AKT1: variants seen among roughly 807,000 people sequenced by gnomAD.
AKT1 encodes AKT serine/threonine kinase 1, also known as RAC-alpha serine/threonine-protein kinase.
In AKT1, 21 loss-of-function variants were observed where a neutral mutation model predicts 63.1. That is an observed-to-expected ratio of 0.33 (90% confidence interval 0.24 to 0.48). AKT1 has a LOEUF of 0.48. Among genes scored for constraint, AKT1 ranks in the 20% least tolerant of loss-of-function variants. The probability of loss-of-function intolerance (pLI) is 0.99; values close to 1 mark genes in which losing one functional copy is unlikely to be tolerated. For missense variants in AKT1, 382 were observed against 666.0 expected, an observed-to-expected ratio of 0.57 and a Z score of 4.69; for synonymous variants, 257 against 253.1, an observed-to-expected ratio of 1.02 and a Z score of -0.15.
chr14:104,770,631 CCT>C, intron 14 of AKT1, 112 bp downstream of exon 14: 6 of 1,101,234 alleles, frequency 5.4e-6, no homozygotes, highest in Non-Finnish European at 7.9e-6. Context: ...CCAAAAGGAA[CCT>C]TTTTAAATAT....
chr14:104,774,723 C>G, intron 8 of AKT1: 1 of 600,854 alleles, frequency 1.7e-6, no homozygotes, highest in Non-Finnish European at 2.9e-6. Context: ...GCCCCACCCA[C>G]CTGCCCGCAC....
In AKT1 at chr14:104,769,727, C is replaced by T. The variant is rs780314185; in HGVS notation, c.*614G>A. 2.0e-5 allele frequency: 8 copies of T among 405,236 alleles called. No individual in the cohort carries two copies. Among genetic ancestry groups the T allele is most frequent in the Non-Finnish European group, 3.3e-5 (7 of 212,016 alleles). 25.1% of individuals were successfully genotyped at this position (405,236 alleles called of 1,614,324 possible). On this transcript the variant is annotated 3_prime_UTR_variant, in exon 15 of 15. Transcript: ENST00000649815. ...ATAATACACAATAACAAATTTAAACCTTGCTCCTCTGTCCCACTGGGTAAA... is the reference window on the plus strand; with the variant it reads ...ATAATACACAATAACAAATTTAAACTTTGCTCCTCTGTCCCACTGGGTAAA...
At chr14:104,789,736 C>T (rs1893526958) in intron 3 of AKT1, among the ~76,000 whole-genome samples, 1 of 152,220 alleles carries the variant, frequency 6.6e-6, no homozygotes. Context: ...GAGGGGACAT[C>T]TGGCCCCCTG....
intron 10 of AKT1, 35 bp from the exon 11 acceptor site, chr14:104,773,414 G>A (rs1173505933): frequency 6.2e-7 from 1 of 1,614,026 alleles, no homozygotes; most frequent in Non-Finnish European, 8.5e-7. Flanking sequence ...AGTGCCGCCA[G>A]GCCCCCAGGG....
rs578252924 is a variant in AKT1 at position 104,773,836 on chromosome 14, G to C, written c.702+76C>G. The C allele has an allele frequency of 4.8e-5, 70 of 1,447,414 alleles. No homozygotes were observed. In the African/African-American group the frequency reaches 6.2e-4, roughly 13 times the overall value. 89.7% of individuals were successfully genotyped at this position (1,447,414 alleles called of 1,614,324 possible). ...GTCTGGTGCCATGGAGAGTAGCCGA[G>C]GCTCCGGGAAGGACCGGCCCCACCA... On this transcript the variant is annotated intron_variant, in intron 9 of 14. Transcript: ENST00000649815.
rs2140903205 is a variant in AKT1, at chr14:104,773,092, C to A, written c.958G>T (p.Val320Leu). The A allele has an allele frequency of 6.2e-7, 1 of 1,613,860 alleles. No homozygotes were observed. The highest frequency in any genetic ancestry group is 8.5e-7 in the Non-Finnish European group (1 of 1,179,884). The change falls in exon 12 of 15, where the codon GTG becomes TTG. Residue 320 changes from valine to leucine, a missense_variant and splice_region_variant. By Grantham distance (32) the Val-to-Leu change is conservative (BLOSUM62 1). This residue lies in a region of AKT1 where 66 missense variants were observed against 179.1 expected (regional missense o/e 0.37). Coordinates refer to ENST00000649815, the MANE Select transcript of AKT1 (RefSeq NM_001382430.1). Reference sequence around the variant, plus strand: ...CGGCCGTAGTCATTGTCCTCCAGCACCTGCACGGGTGGCAGATGGGCAGGA... The same window carrying A: ...CGGCCGTAGTCATTGTCCTCCAGCAACTGCACGGGTGGCAGATGGGCAGGA... ...CGTPEYLAPE[V>L]LEDNDYGRAV...
chr14:104,771,162 A>C, intron 13 of AKT1: 1 of 348,424 alleles, frequency 2.9e-6, no homozygotes, highest in South Asian at 7.0e-5. Context: ...TGATAACTTT[A>C]TTTTTCCTTT....
intron 10 of AKT1, 24 bp downstream of exon 10, chr14:104,773,431 C>A: frequency 6.2e-7 from 1 of 1,613,932 alleles, no homozygotes; most frequent in Non-Finnish European, 8.5e-7. Context: ...AGGGCCCTGC[C>A]CCCCTGCCTG....
chr14:104,772,214 GTGCAGCAAGGCCCTCCTTGTACCAGGAC>G, intron 13 of AKT1, 123 bp downstream of exon 13: 1 of 832,650 alleles, frequency 1.2e-6, no homozygotes, highest in Non-Finnish European at 2.0e-6. Context: ...GCTGAGGTTG[GTGCAGCAAGGCCCTCCTTGTACCAGGAC>G]TGCAGCAGGC....
At chr14:104,773,713 T>A in intron 9 of AKT1, 133 bp from the exon 10 acceptor site, 1 of 1,386,332 alleles carries the variant, frequency 7.2e-7, no homozygotes, top group Non-Finnish European at 9.7e-7. Context: ...CACGGGGGCC[T>A]GGAAAGTCTC....
intron 3 of AKT1, among the ~76,000 whole-genome samples, chr14:104,785,002 C>A (rs1037416072): frequency 1.3e-5 from 2 of 152,224 alleles, no homozygotes; most frequent in Non-Finnish European, 2.9e-5. Context: ...CAGCGGCTGG[C>A]AGGGTGCCAG....
rs367883437 is a variant in AKT1 at position 104,783,682 on chromosome 14, C to A, written c.47-3466G>T. Among the ~76,000 whole-genome samples the A allele has an allele frequency of 2.6e-5, 4 of 152,288 alleles. No individual in the cohort carries two copies. In the East Asian group the frequency reaches 7.7e-4, roughly 29 times the overall value. On this transcript the variant is annotated intron_variant, in intron 3 of 14. Coordinates refer to ENST00000649815, the MANE Select transcript of AKT1 (RefSeq NM_001382430.1). ...ACCCCACACACAGCCAGAGTCATCT[C>A]CTGCCAGCAGCCACTCCCAAGGGCA...
intron 12 of AKT1, 60 bp downstream of exon 12, chr14:104,772,818 G>T: frequency 6.5e-7 from 1 of 1,537,578 alleles, no homozygotes; most frequent in Admixed American, 1.9e-5. Context: ...GCAGGGGCAG[G>T]TGCAGCCTGG....
chr14:104,787,110 C>T (rs1456061879), intron 3 of AKT1, among the ~76,000 whole-genome samples: 1 of 152,134 alleles, frequency 6.6e-6, no homozygotes, highest in Non-Finnish European at 1.5e-5. Flanking sequence ...CCCCAAAGCC[C>T]GCAACATTGG....
At chr14:104,773,831 G>A in intron 9 of AKT1, 81 bp downstream of exon 9, 2 of 1,423,320 alleles carry the variant, frequency 1.4e-6, no homozygotes, top group Non-Finnish European at 1.9e-6. Context: ...ATGGAGAGTA[G>A]CCGAGGCTCC....
chr14:104,788,183 G>A (rs766840910), intron 3 of AKT1, among the ~76,000 whole-genome samples: 2 of 152,188 alleles, frequency 1.3e-5, no homozygotes, highest in African/African-American at 2.4e-5. Context: ...CAGGGCCCGC[G>A]GGTCTCACAC....
Position 104,775,096 on chromosome 14 carries a change from T to C in AKT1, c.547A>G (p.Lys183Glu). The change falls in exon 7 of 15, where the codon AAG (lysine) becomes GAG (glutamate). Residue 183 changes from lysine (K) to glutamate (E), a missense_variant. Physicochemically the swap from Lys to Glu is moderately conservative, Grantham distance 56. Around this residue, in one of 3 missense-constraint regions of AKT1, gnomAD observed 226 missense variants for 366.4 expected, o/e 0.62. Coordinates refer to ENST00000649815, the MANE Select transcript of AKT1 (RefSeq NM_001382430.1). ...GRYYAMKILK[K>E]EVIVAKDEVA... is the part of the protein sequence containing the mutation. Reference sequence around the variant, plus strand: ...CCCACCTTGGCCACGATGACTTCCTTCTTGAGGATCTTCATGGCGTAGTAG... The same window carrying C: ...CCCACCTTGGCCACGATGACTTCCTCCTTGAGGATCTTCATGGCGTAGTAG... 1.2e-6 allele frequency: 2 copies of C among 1,613,952 alleles called. No homozygotes were observed. The highest frequency in any genetic ancestry group is 1.7e-6 in the Non-Finnish European group (2 of 1,180,010).
intron 14 of AKT1, 81 bp from the exon 15 acceptor site, chr14:104,770,501 C>T: frequency 7.4e-7 from 1 of 1,357,536 alleles, no homozygotes; most frequent in Non-Finnish European, 1.0e-6. Context: ...AGGAAGCCAA[C>T]CTCTTAAAGC....
chr14:104,779,873 C>T (rs1465570694), intron 4 of AKT1, among the ~76,000 whole-genome samples: 1 of 150,088 alleles, frequency 6.7e-6, no homozygotes, highest in Non-Finnish European at 1.5e-5. Flanking sequence ...CTGGAGACTC[C>T]CACCCAGCCA....
Sources: gnomAD v4.1 joint callset for allele counts (sites outside exome capture counted in the v4.1 genomes callset) on GRCh38, gnomAD v4.1.1 for gene constraint, gnomAD v4.1.1 regional missense constraint, MANE v1.5 for transcripts, NCBI Gene and HGNC (gene_info 2026-07-23, HGNC 2026-07-21) for gene names.